LRRC4C: variants seen among roughly 807,000 people sequenced by gnomAD.
The protein encoded by LRRC4C is leucine-rich repeat-containing protein 4C.
In LRRC4C, 5 loss-of-function variants were observed where a neutral mutation model predicts 33.6. The ratio of observed to expected loss-of-function variants is 0.15; its 90% CI spans 0.08 to 0.31. LRRC4C has a LOEUF of 0.31. Among genes scored for constraint, LRRC4C ranks in the 10% least tolerant of loss-of-function variants. LRRC4C has a pLI of 1.00. For synonymous variants in LRRC4C, 329 were observed against 302.0 expected, an observed-to-expected ratio of 1.09 and a Z score of -0.93; for missense variants, 560 against 796.7, an observed-to-expected ratio of 0.70 and a Z score of 3.58.
rs539548551 is a variant in LRRC4C, at chr11:41,207,760, G to A, written c.-496+251671C>T. On this transcript the variant is annotated intron_variant, in intron 1 of 6. Transcript: ENST00000528697. ...CGTGATCTTGGACTTCCAGCTTTGA[G>A]AGCTGTGAGAAAATACATTTCTGTT... 2.0e-3 allele frequency among the ~76,000 whole-genome samples: 304 copies of A among 152,274 alleles called. 1 individual carries two copies. Among genetic ancestry groups the A allele is most frequent in the South Asian group, 4.3e-3 (21 of 4,830 alleles).
intron 3 of LRRC4C, among the ~76,000 whole-genome samples, chr11:40,562,171 A>G (rs1957575360): frequency 6.6e-6 from 1 of 152,180 alleles, no homozygotes; most frequent in Non-Finnish European, 1.5e-5. Flanking sequence ...TTAAACCTCA[A>G]TGGGAATGTG....
At chr11:41,288,137 T>C (rs533146153) in intron 1 of LRRC4C, among the ~76,000 whole-genome samples, 1 of 152,308 alleles carries the variant, frequency 6.6e-6, no homozygotes, top group African/African-American at 2.4e-5. Flanking sequence ...ATCTATGAGG[T>C]GGCATGGTGA....
intron 2 of LRRC4C, among the ~76,000 whole-genome samples, chr11:40,860,668 C>T (rs1391583366): frequency 6.6e-6 from 1 of 151,832 alleles, no homozygotes; most frequent in African/African-American, 2.4e-5. Flanking sequence ...GAATTAATAT[C>T]CCACTCCCCT....
chr11:40,667,985 T>A (rs186050578), intron 2 of LRRC4C, among the ~76,000 whole-genome samples: 1 of 152,344 alleles, frequency 6.6e-6, no homozygotes, highest in Non-Finnish European at 1.5e-5. Context: ...CTTTGGGTTA[T>A]CAGTGGTTTT....
rs568139736 is a variant in LRRC4C at position 41,417,943 on chromosome 11, T to C, written c.-496+41488A>G. The stretch of plus-strand genomic sequence containing the variant: ...GTGTGTGTGTGTGTGCATATATATA[T>C]ACGTATATATACAAATATATACAAA... On this transcript the variant is annotated intron_variant, in intron 1 of 6. Coordinates refer to ENST00000528697, the MANE Select transcript of LRRC4C (RefSeq NM_001258419.2). 8.5e-3 allele frequency among the ~76,000 whole-genome samples: 1,170 copies of C among 138,082 alleles called. 9 individuals carry two copies. The highest frequency in any genetic ancestry group is 0.013 in the Non-Finnish European group (792 of 60,264). The allele number at this position is 138,082 out of a possible 152,430, so 90.6% of individuals were successfully genotyped here.
At chr11:40,256,728 T>C (rs1867235316) in intron 4 of LRRC4C, among the ~76,000 whole-genome samples, 1 of 152,208 alleles carries the variant, frequency 6.6e-6, no homozygotes, top group Non-Finnish European at 1.5e-5. Flanking sequence ...GTAGTATTCA[T>C]ACCTGCAGAT....
At chr11:41,278,018 A>T (rs1340724443) in intron 1 of LRRC4C, among the ~76,000 whole-genome samples, 5 of 152,090 alleles carry the variant, frequency 3.3e-5, no homozygotes, top group Non-Finnish European at 5.9e-5. Flanking sequence ...AATGGTGGTT[A>T]CCAGAAGCTG....
At chr11:41,194,116 T>C (rs936185551) in intron 1 of LRRC4C, among the ~76,000 whole-genome samples, 1 of 152,118 alleles carries the variant, frequency 6.6e-6, no homozygotes, top group African/African-American at 2.4e-5. Flanking sequence ...TGTAAATGTA[T>C]TTTCTCTTCC....
intron 2 of LRRC4C, among the ~76,000 whole-genome samples, chr11:40,800,508 A>G (rs1950997756): frequency 6.6e-6 from 1 of 152,190 alleles, no homozygotes; most frequent in Non-Finnish European, 1.5e-5. Flanking sequence ...TCAACTCACA[A>G]TCACACTTTT....
chr11:40,373,450 AT>A (rs1051145933), intron 3 of LRRC4C, among the ~76,000 whole-genome samples: 14 of 152,286 alleles, frequency 9.2e-5, no homozygotes, highest in African/African-American at 3.4e-4. Flanking sequence ...AGAATATAAA[AT>A]TTTTTCCCCA....
intron 1 of LRRC4C, among the ~76,000 whole-genome samples, chr11:40,967,382 A>G (rs1341574325): frequency 6.6e-6 from 1 of 151,982 alleles, no homozygotes; most frequent in Non-Finnish European, 1.5e-5. Flanking sequence ...TGTATCTTTC[A>G]TTTTTGTTTA....
At chr11:40,840,642 GT>G (rs1257635137) in intron 2 of LRRC4C, among the ~76,000 whole-genome samples, 1 of 152,060 alleles carries the variant, frequency 6.6e-6, no homozygotes, top group African/African-American at 2.4e-5. Context: ...GGTAAAATAG[GT>G]TTTGATCAGC....
intron 2 of LRRC4C, among the ~76,000 whole-genome samples, chr11:40,777,480 T>C (rs1282456507): frequency 2.9e-5 from 4 of 139,408 alleles, no homozygotes; most frequent in African/African-American, 1.1e-4. Context: ...TATAATACCA[T>C]TCTTTGTCCT....
At chr11:41,250,113 G>A (rs1452111519) in intron 1 of LRRC4C, among the ~76,000 whole-genome samples, 1 of 152,244 alleles carries the variant, frequency 6.6e-6, no homozygotes, top group African/African-American at 2.4e-5. Flanking sequence ...AGGTTGCAGT[G>A]AGCTGAGATC....
chr11:41,087,966 T>C (rs540984182), intron 1 of LRRC4C, among the ~76,000 whole-genome samples: 39 of 152,256 alleles, frequency 2.6e-4, no homozygotes, highest in African/African-American at 8.9e-4. Flanking sequence ...GACTTATTTA[T>C]TAGAGCGCTA....
chr11:40,423,406 G>A (rs1234898626), intron 3 of LRRC4C, among the ~76,000 whole-genome samples: 3 of 144,348 alleles, frequency 2.1e-5, no homozygotes, highest in East Asian at 4.2e-4. Flanking sequence ...GTGCAGTGGC[G>A]CCATCTCGGC....
chr11:41,316,218 GT>G (rs1322229936), intron 1 of LRRC4C, among the ~76,000 whole-genome samples: 2 of 113,692 alleles, frequency 1.8e-5, no homozygotes, highest in African/African-American at 3.2e-5. Context: ...GGGTAACAGA[GT>G]TTTTTCAGCC....
intron 3 of LRRC4C, among the ~76,000 whole-genome samples, chr11:40,476,236 A>G: frequency 6.6e-6 from 1 of 151,654 alleles, no homozygotes; most frequent in South Asian, 2.1e-4. Context: ...ACACTCATGT[A>G]TGGCATGGCT....
intron 3 of LRRC4C, among the ~76,000 whole-genome samples, chr11:40,467,974 C>T (rs1285367145): frequency 6.6e-6 from 1 of 152,126 alleles, no homozygotes; most frequent in Non-Finnish European, 1.5e-5. Flanking sequence ...CAAGGCTGTG[C>T]AAATTTGCTG....
Sources: allele counts gnomAD v4.1 joint callset (sites outside exome capture counted in the v4.1 genomes callset), GRCh38; gene constraint gnomAD v4.1.1; transcripts MANE v1.5; gene names NCBI Gene and HGNC (gene_info 2026-07-23, HGNC 2026-07-21).